CENPP: variants seen among roughly 807,000 people sequenced by gnomAD.
CENPP encodes centromere protein P.
A neutral mutation model predicts 35.6 loss-of-function variants in CENPP; 24 were observed. The ratio of observed to expected loss-of-function variants is 0.67; its 90% confidence interval spans 0.49 to 0.95. The LOEUF (loss-of-function observed/expected upper bound fraction) is 0.95. Ranked by LOEUF, CENPP falls within the 40% of genes least tolerant of loss-of-function variation. The pLI is 0.00. For missense variants in CENPP, 332 were observed against 345.3 expected, an observed-to-expected ratio of 0.96 and a Z score of 0.31; for synonymous variants, 120 against 125.5, an observed-to-expected ratio of 0.96 and a Z score of 0.29.
At chr9:92,484,494 G>A (rs1235828845) in intron 5 of CENPP, among the ~76,000 whole-genome samples, 3 of 152,086 alleles carry the variant, frequency 2.0e-5, no homozygotes, top group Non-Finnish European at 2.9e-5. Context: ...GCCACAAATT[G>A]TTTATATATT....
At chr9:92,508,309 G>A (rs1458047786) in intron 5 of CENPP, among the ~76,000 whole-genome samples, 1 of 152,206 alleles carries the variant, frequency 6.6e-6, no homozygotes, top group Non-Finnish European at 1.5e-5. Context: ...AGGCTCCTCG[G>A]GTGCTCGGAC....
chr9:92,604,992 CT>C (rs1359951166), intron 5 of CENPP, among the ~76,000 whole-genome samples: 1 of 151,436 alleles, frequency 6.6e-6, no homozygotes, highest in Non-Finnish European at 1.5e-5. Flanking sequence ...CTTATGTGTC[CT>C]TTTTTTGAGA....
intron 4 of CENPP, among the ~76,000 whole-genome samples, chr9:92,357,303 C>T (rs776758930): frequency 3.2e-4 from 49 of 151,660 alleles, no homozygotes; most frequent in Admixed American, 1.4e-3. Context: ...TTCTTTCACT[C>T]TACAGAATTC....
chr9:92,467,213 G>C (rs757416446), intron 5 of CENPP, among the ~76,000 whole-genome samples: 2 of 152,186 alleles, frequency 1.3e-5, no homozygotes, highest in Non-Finnish European at 2.9e-5. Flanking sequence ...TAACTCCAGA[G>C]AGTAAAAAGA....
intron 4 of CENPP, among the ~76,000 whole-genome samples, chr9:92,356,753 A>G (rs1841598381): frequency 1.3e-5 from 2 of 152,234 alleles, no homozygotes; most frequent in Non-Finnish European, 2.9e-5. Flanking sequence ...AATCTTCACA[A>G]TTTATGTTCA....
intron 5 of CENPP, among the ~76,000 whole-genome samples, chr9:92,602,108 G>C (rs975881061): frequency 1.3e-5 from 2 of 152,196 alleles, no homozygotes; most frequent in Non-Finnish European, 2.9e-5. Context: ...GTGGGGCTGT[G>C]TCAGAAGAAC....
chr9:92,528,204 T>G (rs1374431029), intron 5 of CENPP: 1 of 152,288 alleles, frequency 6.6e-6, no homozygotes, highest in Non-Finnish European at 1.5e-5. Flanking sequence ...TTTCCAAACA[T>G]TAAACAAAGA....
intron 3 of CENPP, chr9:92,339,769 A>G (rs184908879): frequency 3.3e-5 from 5 of 153,838 alleles, no homozygotes; most frequent in African/African-American, 1.2e-4. Context: ...CAAGCAGAGA[A>G]TGGACCCAAA....
At chr9:92,530,393 T>C (rs1848672909) in intron 5 of CENPP, among the ~76,000 whole-genome samples, 1 of 152,172 alleles carries the variant, frequency 6.6e-6, no homozygotes. Context: ...TTGCTCTGAA[T>C]CTAAAACTGC....
At chr9:92,499,631 C>T (rs1846553757) in intron 5 of CENPP, among the ~76,000 whole-genome samples, 1 of 152,158 alleles carries the variant, frequency 6.6e-6, no homozygotes, top group Non-Finnish European at 1.5e-5. Flanking sequence ...TATGGCACAA[C>T]CTGTGAAGTA....
intron 5 of CENPP, chr9:92,611,108 T>C (rs1452419156): frequency 1.3e-5 from 8 of 608,006 alleles, no homozygotes; most frequent in Non-Finnish European, 2.1e-5. Flanking sequence ...GCAGCAGTCA[T>C]GGGAGCCTGG....
intron 6 of CENPP, among the ~76,000 whole-genome samples, chr9:92,611,861 GA>G (rs934382565): frequency 2.6e-5 from 4 of 152,208 alleles, no homozygotes; most frequent in African/African-American, 9.6e-5. Flanking sequence ...TGCATGTGTG[GA>G]CATGTATCCA....
chr9:92,553,206 A>G (rs187197049), intron 5 of CENPP, among the ~76,000 whole-genome samples: 56 of 152,256 alleles, frequency 3.7e-4, no homozygotes, highest in Non-Finnish European at 3.8e-4. Context: ...GCTTTGTCGA[A>G]GATCAGTTGG....
At chr9:92,498,604 TAAAC>T (rs1363644699) in intron 5 of CENPP, among the ~76,000 whole-genome samples, 1 of 152,062 alleles carries the variant, frequency 6.6e-6, no homozygotes, top group Non-Finnish European at 1.5e-5. Context: ...AAACCAAAAA[TAAAC>T]TAAATAACAT....
intron 5 of CENPP, among the ~76,000 whole-genome samples, chr9:92,434,114 G>T (rs576708201): frequency 6.6e-6 from 1 of 152,058 alleles, no homozygotes; most frequent in Non-Finnish European, 1.5e-5. Context: ...TTGGAGACTG[G>T]GCGCGGTGGC....
At chr9:92,490,266 G>C (rs940813157) in intron 5 of CENPP, among the ~76,000 whole-genome samples, 2 of 152,210 alleles carry the variant, frequency 1.3e-5, no homozygotes, top group African/African-American at 4.8e-5. Flanking sequence ...ACTGATTCTA[G>C]TTGAGAGCCA....
At chr9:92,522,755 A>G (rs778894837) in intron 5 of CENPP, 92 of 1,613,978 alleles carry the variant, frequency 5.7e-5, no homozygotes, top group Admixed American at 8.3e-5. Context: ...CTTTTCCTCA[A>G]CCTTCTGTGG....
chr9:92,567,403 T>TATATATATATATATATATAGATATAG (rs1554688343), intron 5 of CENPP, among the ~76,000 whole-genome samples: 9 of 138,664 alleles, frequency 6.5e-5, no homozygotes, highest in Admixed American at 1.4e-4. Context: ...TATAGATATA[T>TATATATATATATATATATAGATATAG]ATATAAAGTG....
At chr9:92,431,036 C>T (rs1200874188) in intron 5 of CENPP, among the ~76,000 whole-genome samples, 2 of 151,614 alleles carry the variant, frequency 1.3e-5, no homozygotes, top group African/African-American at 2.4e-5. Flanking sequence ...CCTGGTGATC[C>T]GCCTGCTTCA....
Sources: gnomAD v4.1 joint callset for allele counts (sites outside exome capture counted in the v4.1 genomes callset) on GRCh38, gnomAD v4.1.1 for gene constraint, MANE v1.5 for transcripts, NCBI Gene and HGNC (gene_info 2026-07-23, HGNC 2026-07-21) for gene names.